Variants in ARL5B observed in about 807,000 individuals in gnomAD.
The protein encoded by ARL5B is ARF like GTPase 5B, also known as ADP-ribosylation factor-like protein 5B.
A neutral mutation model predicts 26.9 loss-of-function variants in ARL5B; 10 were observed. The observed-to-expected ratio is 0.37, with a 90% CI of 0.23 to 0.63. ARL5B has a LOEUF of 0.63. Ranked by LOEUF, ARL5B falls within the 30% of genes least tolerant of loss-of-function variation. The pLI is 0.62. For missense variants in ARL5B, 167 were observed against 213.9 expected, an observed-to-expected ratio of 0.78 and a Z score of 1.37; for synonymous variants, 87 against 70.4, an observed-to-expected ratio of 1.24 and a Z score of -1.18.
At position 18,660,526 on chromosome 10, in the gene ARL5B, G is replaced by C. The variant is rs2059827560; in HGVS notation, c.46+843G>C. On this transcript the variant is annotated intron_variant, in intron 1 of 5. Coordinates refer to ENST00000377275, the MANE Select transcript of ARL5B (RefSeq NM_178815.5). ...AACTCGTTTCATTTTACATTTAAGA[G>C]CCGGGCATCGTTAATAAGCCAGTTT... 2.0e-5 allele frequency among the ~76,000 whole-genome samples: 3 copies of C among 152,306 alleles called. No homozygotes were observed. In the South Asian group the frequency reaches 6.2e-4, roughly 32 times the overall value.
chr10:18,672,715 T>G lies in ARL5B; in HGVS notation c.339+10T>G. ...AATGTTGGCTCATGAGGTAAATTTTTAAAGTAAATCTTTAAAAAACAGTGT... is the reference window on the plus strand; with the variant it reads ...AATGTTGGCTCATGAGGTAAATTTTGAAAGTAAATCTTTAAAAAACAGTGT... On this transcript the variant is annotated intron_variant, in intron 4 of 5. Coordinates refer to ENST00000377275, the MANE Select transcript of ARL5B (RefSeq NM_178815.5). The G allele has an allele frequency of 6.3e-7, 1 of 1,589,546 alleles. No individual in the cohort carries two copies. The highest frequency in any genetic ancestry group is 8.6e-7 in the Non-Finnish European group (1 of 1,162,036).
chr10:18,660,284 G>C (rs2059824991), intron 1 of ARL5B, among the ~76,000 whole-genome samples: 2 of 151,952 alleles, frequency 1.3e-5, no homozygotes, highest in Non-Finnish European at 1.5e-5. Context: ...AAGACGTTAC[G>C]TGTCCGTAAT....
At position 18,664,871 on chromosome 10, in the gene ARL5B, A is replaced by G. The variant is rs181304006; in HGVS notation, c.47-1704A>G. ...ATCATAGTGCAAAAGTGAAGCAAGGAGCAGGATTGTTTGCAAATGACCTGG... is the reference window on the plus strand; with the variant it reads ...ATCATAGTGCAAAAGTGAAGCAAGGGGCAGGATTGTTTGCAAATGACCTGG... On this transcript the variant is annotated intron_variant, in intron 1 of 5. Transcript: ENST00000377275. 5.2e-3 allele frequency among the ~76,000 whole-genome samples: 794 copies of G among 152,288 alleles called. 4 individuals carry two copies. Among genetic ancestry groups the G allele is most frequent in the Non-Finnish European group, 9.1e-3 (620 of 68,016 alleles).
intron 2 of ARL5B, among the ~76,000 whole-genome samples, chr10:18,668,089 T>G (rs188184453): frequency 2.6e-5 from 4 of 152,332 alleles, no homozygotes; most frequent in Non-Finnish European, 5.9e-5. Flanking sequence ...CCTGAATTAA[T>G]TTTTGTGACT....
chr10:18,661,472 C>G (rs1165212319), intron 1 of ARL5B, among the ~76,000 whole-genome samples: 5 of 152,158 alleles, frequency 3.3e-5, no homozygotes, highest in Non-Finnish European at 7.4e-5. Context: ...TAGAATTTTT[C>G]TCTTCCTCTA....
At chr10:18,672,133 T>TTG (rs1372771072) in intron 3 of ARL5B, among the ~76,000 whole-genome samples, 12 of 152,216 alleles carry the variant, frequency 7.9e-5, no homozygotes, top group Admixed American at 4.6e-4. Flanking sequence ...TTTTATAAAA[T>TTG]TGTCTTATTT....
Position 18,672,697 on chromosome 10 carries a change from G to T in ARL5B, c.331G>T (p.Ala111Ser). 6.2e-7 allele frequency: 1 copy of T among 1,604,818 alleles called. No individual in the cohort carries two copies. The highest frequency in any genetic ancestry group is 8.5e-7 in the Non-Finnish European group (1 of 1,174,334). ...AAAAGAAGAATTATACAGAATGTTG[G>T]CTCATGAGGTAAATTTTTAAAGTAA... ...ITKEELYRML[A>S]HEDLRKAAVL... Residue 111 changes from alanine (A) to serine (S), a missense_variant, in exon 4 of 6, where the codon GCT (alanine) becomes TCT (serine). Physicochemically the swap from Ala to Ser is moderately conservative, Grantham distance 99 (BLOSUM62 1). Transcript: ENST00000377275.
rs987711401 is a variant in ARL5B, at chr10:18,675,269, T to C, written c.*53T>C. On this transcript the variant is annotated 3_prime_UTR_variant, in exon 6 of 6. Transcript: ENST00000377275. Reference sequence around the variant, plus strand: ...TTTATTCTGTGACATGAACATTTTTTCCTAGTACCTTTGGCTGCTAAGGCA... The same window carrying C: ...TTTATTCTGTGACATGAACATTTTTCCCTAGTACCTTTGGCTGCTAAGGCA... The C allele has an allele frequency of 4.5e-6, 7 of 1,555,352 alleles. No homozygotes were observed. Among genetic ancestry groups the C allele is most frequent in the Non-Finnish European group, 6.2e-6 (7 of 1,127,224 alleles).
rs993014615 is a variant in ARL5B at position 18,678,426 on chromosome 10, T to C, written c.*3210T>C. 1 of 151,906 alleles carries C rather than the reference T, an allele frequency of 6.6e-6. No individual in the cohort carries two copies. Among genetic ancestry groups the C allele is most frequent in the Non-Finnish European group, 1.5e-5 (1 of 67,802 alleles). The allele number at this position is 151,906 out of a possible 1,614,324, so 9.4% of individuals were successfully genotyped here. A position where few individuals can be genotyped will look rare whatever the true frequency, so the allele number is the denominator to read the frequency against. ...GTATGGAAACAGTGATAGGCAGTGCTGTAAACAATATTCTCTGAAAAGTTG... is the reference window on the plus strand; with the variant it reads ...GTATGGAAACAGTGATAGGCAGTGCCGTAAACAATATTCTCTGAAAAGTTG... On this transcript the variant is annotated 3_prime_UTR_variant, in exon 6 of 6. Transcript: ENST00000377275.
At chr10:18,672,853 TAA>T in intron 4 of ARL5B, 148 bp downstream of exon 4, 2 of 411,948 alleles carry the variant, frequency 4.9e-6, no homozygotes, top group Non-Finnish European at 8.5e-6. Context: ...AGTCTTGAGG[TAA>T]AAAAAAATGT....
chr10:18,668,757 T>C, intron 3 of ARL5B, 80 bp downstream of exon 3: 1 of 1,385,318 alleles, frequency 7.2e-7, no homozygotes, highest in Non-Finnish European at 9.6e-7. Flanking sequence ...CACCTGGGCG[T>C]ATTGACAGTT....
At chr10:18,662,488 A>C (rs1219221498) in intron 1 of ARL5B, among the ~76,000 whole-genome samples, 2 of 152,244 alleles carry the variant, frequency 1.3e-5, no homozygotes, top group Non-Finnish European at 2.9e-5. Flanking sequence ...GTTATTATTC[A>C]AGGAAATAAT....
chr10:18,667,716 C>T (rs941230142), intron 2 of ARL5B, among the ~76,000 whole-genome samples: 5 of 149,814 alleles, frequency 3.3e-5, no homozygotes, highest in Non-Finnish European at 4.4e-5. Context: ...TATATATATA[C>T]ACACACACAC....
chr10:18,660,568 G>A (rs1270569580), intron 1 of ARL5B, among the ~76,000 whole-genome samples: 2 of 151,980 alleles, frequency 1.3e-5, no homozygotes, highest in African/African-American at 2.4e-5. Flanking sequence ...CTTTTATGTT[G>A]GTACCAATTT....
At chr10:18,669,226 C>G (rs2059875797) in intron 3 of ARL5B, among the ~76,000 whole-genome samples, 1 of 152,112 alleles carries the variant, frequency 6.6e-6, no homozygotes, top group African/African-American at 2.4e-5. Context: ...TGAGTGCTTA[C>G]TGTTTGGCCA....
chr10:18,672,490 GA>G, intron 3 of ARL5B, 131 bp from the exon 4 acceptor site: 1 of 569,416 alleles, frequency 1.8e-6, no homozygotes, highest in Non-Finnish European at 3.1e-6. Context: ...TGTTTATGGT[GA>G]AAAAGCAGTA....
At chr10:18,673,828 G>C (rs2059898711) in intron 4 of ARL5B, among the ~76,000 whole-genome samples, 156 bp from the exon 5 acceptor site, 1 of 151,768 alleles carries the variant, frequency 6.6e-6, no homozygotes, top group Non-Finnish European at 1.5e-5. Context: ...TAATCTGTTG[G>C]AATGAATAAT....
In ARL5B at chr10:18,668,586, T is replaced by C; in HGVS notation, c.164T>C (p.Ile55Thr). 1 of 1,614,124 alleles carries C rather than the reference T, an allele frequency of 6.2e-7. No individual in the cohort carries two copies. Residue 55 changes from isoleucine to threonine, a missense_variant, in exon 3 of 6, where the codon ATA becomes ACA. By Grantham distance (89) the Ile-to-Thr change is moderately conservative (BLOSUM62 -1). Coordinates refer to ENST00000377275, the MANE Select transcript of ARL5B (RefSeq NM_178815.5). ...ACCATAGGAAGCAATGTTGAAGAAA[T>C]AGTTGTGAAGAACACTCATTTTCTT... ...SPTIGSNVEE[I>T]VVKNTHFLMW...
At chr10:18,668,915 G>T (rs994332212) in intron 3 of ARL5B, among the ~76,000 whole-genome samples, 2 of 151,786 alleles carry the variant, frequency 1.3e-5, no homozygotes, top group Non-Finnish European at 2.9e-5. Flanking sequence ...AATTACAGGC[G>T]AGTGCCACCA....
Sources: allele counts gnomAD v4.1 joint callset (sites outside exome capture counted in the v4.1 genomes callset), GRCh38; gene constraint gnomAD v4.1.1; transcripts MANE v1.5; gene names NCBI Gene and HGNC (gene_info 2026-07-23, HGNC 2026-07-21).